The following HOXB3 variants were observed in gnomAD, a reference collection of about 807,000 sequenced individuals.
The protein encoded by HOXB3 is homeobox B3, also known as homeobox protein Hox-B3.
In HOXB3, 17 loss-of-function variants were observed where a neutral mutation model predicts 29.2. The ratio of observed to expected loss-of-function variants is 0.58; its 90% CI spans 0.40 to 0.87. The LOEUF is 0.87. Ranked by LOEUF, HOXB3 falls within the 40% of genes least tolerant of loss-of-function variation. The pLI is 0.00. For missense variants in HOXB3, 637 were observed against 616.3 expected, an observed-to-expected ratio of 1.03 and a Z score of -0.35; for synonymous variants, 317 against 285.9, an observed-to-expected ratio of 1.11 and a Z score of -1.10.
intron 1 of HOXB3, among the ~76,000 whole-genome samples, chr17:48,577,310 T>C (rs955198081): frequency 6.6e-6 from 1 of 152,100 alleles, no homozygotes; most frequent in South Asian, 2.1e-4. Flanking sequence ...CCCCCTCAGC[T>C]TGGGGCCCCC....
chr17:48,555,724 C>A, intron 2 of HOXB3, 106 bp from the exon 3 acceptor site: 1 of 667,438 alleles, frequency 1.5e-6, no homozygotes, highest in Admixed American at 2.1e-5. Context: ...GAGGGGCAGA[C>A]CGGCCAGAGG....
At chr17:48,555,379 AGGGAGG>A in intron 3 of HOXB3, 146 bp downstream of exon 3, 1 of 526,164 alleles carries the variant, frequency 1.9e-6, no homozygotes, top group South Asian at 1.9e-5. Flanking sequence ...GGAGGGAGGG[AGGGAGG>A]GAGGGAGAGA....
At chr17:48,560,719 T>C (rs1597827995) in intron 2 of HOXB3, among the ~76,000 whole-genome samples, 1 of 151,810 alleles carries the variant, frequency 6.6e-6, no homozygotes, top group East Asian at 1.9e-4. Context: ...AGAGTGGGAG[T>C]CTTCCACCAT....
chr17:48,567,675 G>C (rs2069435130), intron 2 of HOXB3, among the ~76,000 whole-genome samples: 1 of 152,148 alleles, frequency 6.6e-6, no homozygotes, highest in African/African-American at 2.4e-5. Context: ...TTAGTTAAAA[G>C]AACACACCCA....
Position 48,550,588 on chromosome 17 carries a change from C to T in HOXB3, c.1042G>A (p.Gly348Ser), listed in dbSNP as rs2068687457. ...GGAYGTPTMQ[G>S]SPVYVGGGGY... ...CCCCCGCCCACGTACACCGGACTGC[C>T]CTGCATGGTGGGCGTCCCGTAGGCG... The change falls in exon 5 of 5, where the codon GGC (glycine) becomes AGC (serine). Residue 348 changes from glycine to serine, a missense_variant. Transcript: ENST00000498678. 1.3e-6 allele frequency: 2 copies of T among 1,525,322 alleles called. No individual in the cohort carries two copies. The highest frequency in any genetic ancestry group is 2.8e-5 in the African/African-American group (2 of 71,774). 94.5% of individuals were successfully genotyped at this position (1,525,322 alleles called of 1,614,324 possible). A position where few individuals can be genotyped will look rare whatever the true frequency, so the allele number is the denominator to read the frequency against.
chr17:48,570,825 C>T (rs886776737), intron 2 of HOXB3, among the ~76,000 whole-genome samples: 1 of 152,180 alleles, frequency 6.6e-6, no homozygotes, highest in East Asian at 1.9e-4. Context: ...TCAGCCTGAT[C>T]CCGATGTGGG....
intron 2 of HOXB3, among the ~76,000 whole-genome samples, chr17:48,562,854 T>A (rs1413355165): frequency 6.6e-6 from 1 of 152,196 alleles, no homozygotes; most frequent in Non-Finnish European, 1.5e-5. Context: ...CTAGTTGGCC[T>A]GCGGAAATTA....
At chr17:48,555,895 T>G (rs976610146) in intron 2 of HOXB3, among the ~76,000 whole-genome samples, 2 of 152,066 alleles carry the variant, frequency 1.3e-5, no homozygotes, top group African/African-American at 2.4e-5. Context: ...GCCGCCACAG[T>G]GTGGTTGCCC....
intron 2 of HOXB3, among the ~76,000 whole-genome samples, chr17:48,566,528 G>A (rs928703030): frequency 6.6e-6 from 1 of 152,100 alleles, no homozygotes; most frequent in Non-Finnish European, 1.5e-5. Flanking sequence ...AAAGGTAGCA[G>A]CAGGAGGGGA....
chr17:48,577,585 T>C (rs7406324), intron 1 of HOXB3, among the ~76,000 whole-genome samples: 130,798 of 152,194 alleles, frequency 0.86, 56,593 homozygotes, highest in Non-Finnish European at 0.91. Flanking sequence ...TCCAACTTCA[T>C]TAAGACTGTA....
chr17:48,578,189 C>A (rs1356756301), intron 1 of HOXB3: 2 of 1,612,852 alleles, frequency 1.2e-6, no homozygotes, highest in Admixed American at 1.7e-5. Flanking sequence ...GCTGCTCTCT[C>A]GCCTCTGGCC....
intron 1 of HOXB3, chr17:48,576,733 G>C (rs1034769921): frequency 2.7e-6 from 4 of 1,506,876 alleles, no homozygotes; most frequent in Non-Finnish European, 9.0e-7. Flanking sequence ...TAGAGCGCGC[G>C]GGGGCCTCCA....
At chr17:48,567,118 T>G (rs887568718) in intron 2 of HOXB3, among the ~76,000 whole-genome samples, 2 of 152,148 alleles carry the variant, frequency 1.3e-5, no homozygotes, top group African/African-American at 4.8e-5. Context: ...CTTCTCTTTC[T>G]CCCCAAACCC....
Position 48,573,975 on chromosome 17 carries a change from T to C in HOXB3, c.-385A>G. The C allele has an allele frequency of 1.5e-6, 1 of 680,174 alleles. No homozygotes were observed. The highest frequency in any genetic ancestry group is 2.7e-6 in the Non-Finnish European group (1 of 374,828). 42.1% of individuals were successfully genotyped at this position (680,174 alleles called of 1,614,324 possible). A position where few individuals can be genotyped will look rare whatever the true frequency, so the allele number is the denominator to read the frequency against. Reference sequence around the variant, plus strand: ...CCCTTGCAGATCCGGGAGAGACGGCTAACACTTTTTTCCCCCAACAGCCGG... The same window carrying C: ...CCCTTGCAGATCCGGGAGAGACGGCCAACACTTTTTTCCCCCAACAGCCGG... On this transcript the variant is annotated 5_prime_UTR_variant, in exon 2 of 5. Coordinates refer to ENST00000498678, the MANE Select transcript of HOXB3 (RefSeq NM_001384749.1).
chr17:48,557,698 G>T (rs1378350079), intron 2 of HOXB3, among the ~76,000 whole-genome samples: 1 of 152,150 alleles, frequency 6.6e-6, no homozygotes, highest in African/African-American at 2.4e-5. Context: ...CGGGTTGGGG[G>T]ACATGGGGAT....
chr17:48,565,269 A>G (rs768309529), intron 2 of HOXB3, among the ~76,000 whole-genome samples: 7 of 152,178 alleles, frequency 4.6e-5, no homozygotes, highest in African/African-American at 9.7e-5. Flanking sequence ...TGTCCTGGAC[A>G]TCTTGGCCAT....
At chr17:48,570,873 C>T (rs746714504) in intron 2 of HOXB3, among the ~76,000 whole-genome samples, 3 of 152,172 alleles carry the variant, frequency 2.0e-5, no homozygotes, top group African/African-American at 7.2e-5. Flanking sequence ...CTCCCTGAAA[C>T]GTTCTGGCCA....
chr17:48,576,510 G>C, intron 1 of HOXB3: 2 of 307,414 alleles, frequency 6.5e-6, no homozygotes, highest in Non-Finnish European at 1.1e-5. Context: ...TCTTGCTTCT[G>C]GGGGGGCCTC....
chr17:48,586,062 C>G (rs969298722), intron 1 of HOXB3, among the ~76,000 whole-genome samples: 1 of 152,228 alleles, frequency 6.6e-6, no homozygotes, highest in Non-Finnish European at 1.5e-5. Context: ...AGGCTCAGCC[C>G]GGATCCACTA....
Sources: allele counts gnomAD v4.1 joint callset (sites outside exome capture counted in the v4.1 genomes callset), GRCh38; gene constraint gnomAD v4.1.1; transcripts MANE v1.5; gene names NCBI Gene and HGNC (gene_info 2026-07-23, HGNC 2026-07-21).